Variants in ARHGEF4 observed in about 807,000 individuals in gnomAD.
ARHGEF4 encodes APC-stimulated guanine nucleotide exchange factor 1.
In ARHGEF4, 119 loss-of-function variants were observed where a neutral mutation model predicts 162.0. The ratio of observed to expected loss-of-function variants is 0.73; its 90% CI spans 0.63 to 0.86. The LOEUF (loss-of-function observed/expected upper bound fraction) is 0.86, where lower values mean the gene tolerates loss of function less well. Ranked by LOEUF, ARHGEF4 falls within the 40% of genes least tolerant of loss-of-function variation. The probability of loss-of-function intolerance (pLI) is 0.00; values close to 1 mark genes in which losing one functional copy is unlikely to be tolerated. For missense variants in ARHGEF4, 2,488 were observed against 2,456.0 expected, an observed-to-expected ratio of 1.01 and a Z score of -0.28; for synonymous variants, 1,014 against 979.9, an observed-to-expected ratio of 1.03 and a Z score of -0.65.
Position 131,040,335 on chromosome 2 carries a change from C to T in ARHGEF4, c.4557C>T (p.Ile1519=), listed in dbSNP as rs754108609. ...AGCTGCGTACCATCTTCGGGAACAT[C>T]GAGGACATCTACCGCTGCCAGAAGG... ...EEQLRTIFGN[I]EDIYRCQKAF... is the part of the protein sequence containing the mutation. Residue 1519 remains isoleucine, a synonymous_variant, in exon 8 of 14, where the codon ATC becomes ATT. Coordinates refer to ENST00000409359, the MANE Select transcript of ARHGEF4 (RefSeq NM_001367493.1). The T allele has an allele frequency of 1.7e-5, 28 of 1,612,488 alleles. No individual in the cohort carries two copies. Among genetic ancestry groups the T allele is most frequent in the Non-Finnish European group, 2.4e-5 (28 of 1,179,728 alleles).
chr2:131,043,829 G>A (rs574705411), intron 11 of ARHGEF4, among the ~76,000 whole-genome samples: 12 of 152,064 alleles, frequency 7.9e-5, no homozygotes, highest in Non-Finnish European at 1.3e-4. Flanking sequence ...TGACCTGGCC[G>A]CTGCTTGCTC....
Position 130,930,993 on chromosome 2 carries a change from T to G in ARHGEF4, c.3594T>G (p.Ser1198Arg). 6.2e-7 allele frequency: 1 copy of G among 1,612,532 alleles called. No homozygotes were observed. The highest frequency in any genetic ancestry group is 8.5e-7 in the Non-Finnish European group (1 of 1,178,734). The change falls in exon 3 of 14, where the codon AGT becomes AGG. Residue 1198 changes from serine (S) to arginine (R), a missense_variant. Transcript: ENST00000409359. ...AAGAACCAGCAGGTGAGAAGCCCAG[T>G]TGCTCTCACAGTCAGAAGGCGTTCC... is the stretch of plus-strand genomic sequence containing the variant. ...PWEEPAGEKP[S>R]CSHSQKAFHM...
chr2:131,002,705 G>A (rs920213830), intron 4 of ARHGEF4, among the ~76,000 whole-genome samples: 49 of 79,686 alleles, frequency 6.1e-4, no homozygotes, highest in African/African-American at 2.6e-3. Context: ...GCGAGACTCC[G>A]TCTCAAAAAA....
At chr2:130,887,563 TTCCTC>T (rs1679596583) in intron 1 of ARHGEF4, among the ~76,000 whole-genome samples, 1 of 152,126 alleles carries the variant, frequency 6.6e-6, no homozygotes, top group African/African-American at 2.4e-5. Flanking sequence ...CTTTTTTTCA[TTCCTC>T]TACTAGTTAC....
chr2:130,965,385 G>A (rs1446956344), intron 4 of ARHGEF4, among the ~76,000 whole-genome samples: 2 of 152,268 alleles, frequency 1.3e-5, no homozygotes, highest in Non-Finnish European at 2.9e-5. Flanking sequence ...TCATCTGCCC[G>A]TTCCCAAAAC....
intron 4 of ARHGEF4, among the ~76,000 whole-genome samples, chr2:130,998,275 A>C (rs1052843799): frequency 4.6e-5 from 7 of 152,168 alleles, no homozygotes; most frequent in African/African-American, 1.7e-4. Flanking sequence ...AAAATGAAGC[A>C]GAGAGTACAG....
At chr2:130,878,746 G>T (rs956441460) in intron 1 of ARHGEF4, among the ~76,000 whole-genome samples, 2 of 152,230 alleles carry the variant, frequency 1.3e-5, no homozygotes, top group African/African-American at 4.8e-5. Flanking sequence ...ATGGAGTTCA[G>T]TGCATTCCAG....
At chr2:131,025,030 T>C (rs1558867319) in intron 4 of ARHGEF4, among the ~76,000 whole-genome samples, 1 of 152,076 alleles carries the variant, frequency 6.6e-6, no homozygotes, top group Non-Finnish European at 1.5e-5. Flanking sequence ...TGCCTCCAGG[T>C]CGGAGACAGA....
intron 4 of ARHGEF4, among the ~76,000 whole-genome samples, chr2:131,020,489 T>C (rs1241995384): frequency 6.6e-6 from 1 of 152,150 alleles, no homozygotes; most frequent in African/African-American, 2.4e-5. Flanking sequence ...GGTTTCCAGC[T>C]TCATCCATGT....
intron 3 of ARHGEF4, among the ~76,000 whole-genome samples, chr2:130,941,783 G>A (rs527993992): frequency 8.8e-4 from 134 of 152,172 alleles, no homozygotes; most frequent in Non-Finnish European, 1.6e-3. Flanking sequence ...CTAAGGAGGA[G>A]GAAGGAGAGG....
At chr2:130,936,042 G>A (rs970116382) in intron 3 of ARHGEF4, among the ~76,000 whole-genome samples, 2 of 152,114 alleles carry the variant, frequency 1.3e-5, no homozygotes, top group African/African-American at 2.4e-5. Context: ...TCCAGCCTGG[G>A]CAACGAGAGT....
intron 1 of ARHGEF4, among the ~76,000 whole-genome samples, chr2:130,881,512 G>C (rs961959348): frequency 8.5e-5 from 13 of 152,082 alleles, no homozygotes; most frequent in African/African-American, 3.1e-4. Flanking sequence ...GTTGTAGATG[G>C]CACAGTCCAA....
chr2:130,857,267 A>C (rs1681864082), intron 1 of ARHGEF4, among the ~76,000 whole-genome samples: 1 of 140,764 alleles, frequency 7.1e-6, no homozygotes, highest in Non-Finnish European at 1.5e-5. Flanking sequence ...AACATAATAA[A>C]CTCTATAAAT....
At chr2:131,037,171 T>C (rs369138689) in intron 5 of ARHGEF4, among the ~76,000 whole-genome samples, 72 of 152,308 alleles carry the variant, frequency 4.7e-4, no homozygotes, top group African/African-American at 1.7e-3. Context: ...CTGTGAGGGT[T>C]CCTGGGCTCA....
chr2:130,985,194 G>A (rs1686401044), intron 4 of ARHGEF4, among the ~76,000 whole-genome samples: 2 of 152,284 alleles, frequency 1.3e-5, no homozygotes, highest in Admixed American at 6.5e-5. Context: ...GTCGGGGCCA[G>A]CTAAGGCAAA....
Position 131,046,087 on chromosome 2 carries a change from C to T in ARHGEF4, c.5529C>T (p.Pro1843=), listed in dbSNP as rs1311598346. The part of the protein sequence containing the change: ...YLTRQKHPAL[P]SNRPQQQVLV... ...CGCGCCAGAAGCACCCAGCCCTGCCCAGCAACCGGCCCCAGCAGCAGGTCC... is the reference window on the plus strand; with the variant it reads ...CGCGCCAGAAGCACCCAGCCCTGCCTAGCAACCGGCCCCAGCAGCAGGTCC... Residue 1843 remains proline (P), a synonymous_variant, in exon 14 of 14, where the codon CCC becomes CCT. Transcript: ENST00000409359. 5 of 1,612,926 alleles carry T rather than the reference C, an allele frequency of 3.1e-6. No individual in the cohort carries two copies. The highest frequency in any genetic ancestry group is 3.4e-6 in the Non-Finnish European group (4 of 1,179,876).
chr2:130,851,795 G>A (rs2104885918), intron 1 of ARHGEF4, among the ~76,000 whole-genome samples: 1 of 152,328 alleles, frequency 6.6e-6, no homozygotes, highest in Admixed American at 6.5e-5. Context: ...CAGGGTTGTT[G>A]ACCTGCTCTG....
Position 130,933,324 on chromosome 2 carries a change from T to C in ARHGEF4, c.3858+2067T>C, listed in dbSNP as rs1191059327. Among the ~76,000 whole-genome samples the C allele has an allele frequency of 4.6e-5, 7 of 152,238 alleles. No homozygotes were observed. In the South Asian group the frequency reaches 8.3e-4, roughly 18 times the overall value. ...TCTTTATGTCAGTACCACATTGTTT[T>C]GATTATCATAGTTTTATAATAAGTT... On this transcript the variant is annotated intron_variant, in intron 3 of 13. Coordinates refer to ENST00000409359, the MANE Select transcript of ARHGEF4 (RefSeq NM_001367493.1).
At chr2:130,972,796 A>G (rs1685450830) in intron 4 of ARHGEF4, among the ~76,000 whole-genome samples, 1 of 152,254 alleles carries the variant, frequency 6.6e-6, no homozygotes, top group African/African-American at 2.4e-5. Context: ...TGCAACTGAC[A>G]AGGAAATGTG....
Sources: allele counts gnomAD v4.1 joint callset (sites outside exome capture counted in the v4.1 genomes callset), GRCh38; gene constraint gnomAD v4.1.1; transcripts MANE v1.5; gene names NCBI Gene and HGNC (gene_info 2026-07-23, HGNC 2026-07-21).